Variants in MAPDA observed in about 807,000 individuals in gnomAD.
MAPDA encodes the protein N6-Methyl-AMP deaminase.
the MAPDA span, among the ~76,000 whole-genome samples, chr15:43,343,920 A>C: frequency 2.0e-5 from 3 of 151,742 alleles, no homozygotes; most frequent in South Asian, 6.2e-4. Flanking sequence ...GCAGAGAAGA[A>C]GACATACAAA....
the MAPDA span, chr15:43,347,045 T>C: frequency 1.9e-6 from 3 of 1,613,810 alleles, no homozygotes; most frequent in Non-Finnish European, 2.5e-6. Flanking sequence ...TCTTGGAACC[T>C]CTTTTAGAAG....
At chr15:43,341,846 T>C in the MAPDA span, among the ~76,000 whole-genome samples, 1 of 152,200 alleles carries the variant, frequency 6.6e-6, no homozygotes, top group Non-Finnish European at 1.5e-5. Context: ...TTTTTATTTA[T>C]TTATTTTTTT....
chr15:43,343,787 G>C, the MAPDA span, among the ~76,000 whole-genome samples: 1 of 151,542 alleles, frequency 6.6e-6, no homozygotes, highest in East Asian at 1.9e-4. Flanking sequence ...ACATAGTATG[G>C]GCTCAGTAAA....
the MAPDA span, among the ~76,000 whole-genome samples, chr15:43,347,797 A>T: frequency 6.6e-6 from 1 of 152,218 alleles, no homozygotes; most frequent in Non-Finnish European, 1.5e-5. Context: ...GAGTAACATC[A>T]TGATTTAAAG....
the MAPDA span, chr15:43,340,487 C>T: frequency 1.5e-6 from 1 of 683,970 alleles, no homozygotes; most frequent in East Asian, 2.8e-5. Context: ...AACCTTTAGT[C>T]AACAGTCCAA....
chr15:43,345,656 A>T, the MAPDA span, among the ~76,000 whole-genome samples: 1 of 152,198 alleles, frequency 6.6e-6, no homozygotes. Flanking sequence ...CAGTGACTGG[A>T]TGCTTGATGC....
chr15:43,335,627 A>G, the MAPDA span: 95 of 1,488,666 alleles, frequency 6.4e-5, no homozygotes, highest in African/African-American at 1.3e-4. Flanking sequence ...AACTACCAAC[A>G]TTAAGTACTT....
At chr15:43,347,127 C>T in the MAPDA span, 2 of 1,556,770 alleles carry the variant, frequency 1.3e-6, no homozygotes, top group Non-Finnish European at 1.8e-6. Context: ...CTAGAAGGGA[C>T]AGATTGTAAT....
chr15:43,336,296 T>G, the MAPDA span, among the ~76,000 whole-genome samples: 2 of 152,166 alleles, frequency 1.3e-5, no homozygotes, highest in African/African-American at 4.8e-5. Context: ...CCACTCGCCT[T>G]GGCTTCTTAA....
At chr15:43,351,824 C>T in the MAPDA span, 11 of 1,551,484 alleles carry the variant, frequency 7.1e-6, no homozygotes, top group Non-Finnish European at 9.6e-6. Context: ...TTTAATTTGA[C>T]CCAGTCTCAG....
chr15:43,330,467 C>G, the MAPDA span: 1 of 1,524,104 alleles, frequency 6.6e-7, no homozygotes, highest in African/African-American at 1.4e-5. Context: ...GCCTGCCCGA[C>G]GCTCACGGCT....
At chr15:43,342,969 T>A in the MAPDA span, 1 of 1,488,414 alleles carries the variant, frequency 6.7e-7, no homozygotes, top group South Asian at 1.2e-5. Flanking sequence ...TCTCTTTACA[T>A]GTATTTTCTA....
the MAPDA span, among the ~76,000 whole-genome samples, chr15:43,331,330 T>C: frequency 6.6e-6 from 1 of 152,230 alleles, no homozygotes; most frequent in Non-Finnish European, 1.5e-5. Flanking sequence ...AGCTTTGTTT[T>C]TAAGGAGTAA....
At chr15:43,344,204 A>G in the MAPDA span, among the ~76,000 whole-genome samples, 1 of 152,216 alleles carries the variant, frequency 6.6e-6, no homozygotes, top group Non-Finnish European at 1.5e-5. Flanking sequence ...ATCCCAGGAA[A>G]TAGATTGATT....
At chr15:43,352,193 T>C in the MAPDA span, 5 of 364,854 alleles carry the variant, frequency 1.4e-5, no homozygotes, top group Admixed American at 4.5e-5. Context: ...CCAGTGATTA[T>C]TGTGACTCAG....
the MAPDA span, chr15:43,335,668 G>A: frequency 6.3e-7 from 1 of 1,577,712 alleles, no homozygotes; most frequent in Non-Finnish European, 8.6e-7. Context: ...TTGGATATTT[G>A]ATAAGTTTTA....
the MAPDA span, chr15:43,351,626 T>C: frequency 4.8e-6 from 4 of 838,164 alleles, no homozygotes; most frequent in African/African-American, 5.2e-5. Context: ...GATAAATTTG[T>C]AGGCCCTTGT....
chr15:43,345,619 A>C, the MAPDA span, among the ~76,000 whole-genome samples: 2 of 152,148 alleles, frequency 1.3e-5, no homozygotes, highest in African/African-American at 2.4e-5. Context: ...GAACAAAAAA[A>C]CCTCGAAAGA....
chr15:43,340,321 A>G, the MAPDA span: 1 of 1,614,102 alleles, frequency 6.2e-7, no homozygotes, highest in Non-Finnish European at 8.5e-7. Flanking sequence ...ACCTGGAACT[A>G]AGGAGCACAC....
Sources: gnomAD v4.1 joint callset for allele counts (sites outside exome capture counted in the v4.1 genomes callset) on GRCh38, gnomAD v4.1.1 for gene constraint, MANE v1.5 for transcripts, NCBI Gene and HGNC (gene_info 2026-07-23, HGNC 2026-07-21) for gene names.